ZBTB20: variants seen among roughly 807,000 people sequenced by gnomAD.
The protein encoded by ZBTB20 is zinc finger and BTB domain containing 20, also known as zinc finger and BTB domain-containing protein 20.
ZBTB20 carries 9 observed loss-of-function variants against 56.9 expected under a neutral mutation model. The observed-to-expected ratio is 0.16, with a 90% CI of 0.10 to 0.28. The LOEUF is 0.28. Among genes scored for constraint, ZBTB20 ranks in the 10% least tolerant of loss-of-function variants. The pLI is 1.00. For synonymous variants in ZBTB20, 417 were observed against 420.7 expected, an observed-to-expected ratio of 0.99 and a Z score of 0.11; for missense variants, 655 against 1,003.0, an observed-to-expected ratio of 0.65 and a Z score of 4.69.
intron 6 of ZBTB20, among the ~76,000 whole-genome samples, chr3:114,614,707 T>C (rs2057794856): frequency 6.6e-6 from 1 of 152,010 alleles, no homozygotes; most frequent in African/African-American, 2.4e-5. Context: ...AAAGTTAGAT[T>C]GTAGTGTCCA....
At chr3:114,606,493 G>A (rs1269334225) in intron 6 of ZBTB20, among the ~76,000 whole-genome samples, 1 of 152,080 alleles carries the variant, frequency 6.6e-6, no homozygotes, top group African/African-American at 2.4e-5. Context: ...AACATACAAA[G>A]TCAGCTTGAT....
chr3:114,687,853 G>A (rs1253182049), intron 6 of ZBTB20: 1 of 152,100 alleles, frequency 6.6e-6, no homozygotes, highest in East Asian at 1.9e-4. Context: ...CACTAAACTT[G>A]GATCTCCAAA....
At position 114,481,517 on chromosome 3, in the gene ZBTB20, C is replaced by A. The variant is rs1033329024; in HGVS notation, c.-255+18835G>T. Among the ~76,000 whole-genome samples, 10 of 152,214 alleles carry A rather than the reference C, an allele frequency of 6.6e-5. No individual in the cohort carries two copies. In the South Asian group the frequency reaches 1.7e-3, roughly 25 times the overall value. On this transcript the variant is annotated intron_variant, in intron 7 of 11. Coordinates refer to ENST00000675478, the MANE Select transcript of ZBTB20 (RefSeq NM_001348800.3). ...CCGATTTGCTTGCTAAATCCGTATT[C>A]ATTCCTGAAGATCCAGATCAAATAC...
intron 5 of ZBTB20, among the ~76,000 whole-genome samples, chr3:114,711,475 T>G (rs917870412): frequency 6.6e-6 from 1 of 152,204 alleles, no homozygotes; most frequent in Non-Finnish European, 1.5e-5. Flanking sequence ...CTCTATTCTT[T>G]CCATCTGACT....
At chr3:114,660,306 C>A (rs1001856053) in intron 6 of ZBTB20, among the ~76,000 whole-genome samples, 1 of 152,108 alleles carries the variant, frequency 6.6e-6, no homozygotes, top group Admixed American at 6.6e-5. Context: ...TCAAAGTCTG[C>A]AGTTGTTTTT....
At chr3:114,816,515 G>A (rs926579827) in intron 4 of ZBTB20, among the ~76,000 whole-genome samples, 1 of 152,058 alleles carries the variant, frequency 6.6e-6, no homozygotes, top group African/African-American at 2.4e-5. Context: ...TAAAAATTTA[G>A]GGGAGATAGA....
chr3:114,950,277 T>C (rs1333661631), intron 3 of ZBTB20, among the ~76,000 whole-genome samples: 1 of 152,216 alleles, frequency 6.6e-6, no homozygotes, highest in Admixed American at 6.5e-5. Context: ...TATTTATACC[T>C]ATTTAAGATT....
At position 114,777,945 on chromosome 3, in the gene ZBTB20, G is replaced by A. The variant is rs529348558; in HGVS notation, c.-343+23156C>T. On this transcript the variant is annotated intron_variant, in intron 5 of 11. Coordinates refer to ENST00000675478, the MANE Select transcript of ZBTB20 (RefSeq NM_001348800.3). ...AAATGATGAGTTCATGTCCTTTGTAGGGACATGGATGAAGCTGGAAACCAT... is the reference window on the plus strand; with the variant it reads ...AAATGATGAGTTCATGTCCTTTGTAAGGACATGGATGAAGCTGGAAACCAT... Among the ~76,000 whole-genome samples, 5 of 151,746 alleles carry A rather than the reference G, an allele frequency of 3.3e-5. No homozygotes were observed. In the South Asian group the frequency reaches 8.4e-4, roughly 25 times the overall value.
chr3:114,686,424 C>T (rs1433389198), intron 6 of ZBTB20, among the ~76,000 whole-genome samples: 1 of 152,278 alleles, frequency 6.6e-6, no homozygotes, highest in East Asian at 1.9e-4. Context: ...AGGAAACAAG[C>T]AAATAAAATA....
intron 5 of ZBTB20, among the ~76,000 whole-genome samples, chr3:114,707,443 T>C (rs1437295728): frequency 6.6e-6 from 1 of 152,126 alleles, no homozygotes; most frequent in Non-Finnish European, 1.5e-5. Flanking sequence ...TTCAAGACAA[T>C]AGGAAGGCCC....
intron 5 of ZBTB20, chr3:114,710,182 A>G (rs191120821): frequency 1.6e-4 from 24 of 152,302 alleles, no homozygotes; most frequent in Admixed American, 8.5e-4. Flanking sequence ...TGCAATGTAT[A>G]TCAGGGAATT....
At chr3:114,478,542 G>T (rs891601920) in intron 7 of ZBTB20, among the ~76,000 whole-genome samples, 2 of 152,088 alleles carry the variant, frequency 1.3e-5, no homozygotes, top group African/African-American at 4.8e-5. Context: ...TTTTCCATTG[G>T]TTTGATTATC....
At chr3:114,700,521 G>C (rs1375100244) in intron 5 of ZBTB20, among the ~76,000 whole-genome samples, 7 of 152,044 alleles carry the variant, frequency 4.6e-5, no homozygotes, top group African/African-American at 1.7e-4. Flanking sequence ...GAGAGCAAAG[G>C]CTCATGATCT....
intron 5 of ZBTB20, among the ~76,000 whole-genome samples, chr3:114,739,896 A>G (rs539342280): frequency 6.6e-6 from 1 of 152,268 alleles, no homozygotes; most frequent in East Asian, 1.9e-4. Context: ...TGGGCTCTGT[A>G]TCTATGAGAT....
chr3:115,093,817 C>T (rs956429259), intron 1 of ZBTB20, among the ~76,000 whole-genome samples: 1 of 152,124 alleles, frequency 6.6e-6, no homozygotes, highest in African/African-American at 2.4e-5. Context: ...ACTTTTTCTT[C>T]TATGATCTTC....
rs192888476 is a variant in ZBTB20, at chr3:115,072,231, G to A, written c.-702-817C>T. ...TATATAATTGATTATTTTTTCCTCC[G>A]AGTTGAAGCTCTATATCACCCCAGA... is the stretch of plus-strand genomic sequence containing the variant. On this transcript the variant is annotated intron_variant, in intron 1 of 11. Coordinates refer to ENST00000675478, the MANE Select transcript of ZBTB20 (RefSeq NM_001348800.3). Among the ~76,000 whole-genome samples the A allele has an allele frequency of 2.2e-4, 34 of 152,062 alleles. No individual in the cohort carries two copies. The Middle Eastern group carries it at 0.017, about 76-fold the overall frequency.
In ZBTB20 at chr3:114,945,839, T is replaced by TA. The variant is rs559587579; in HGVS notation, c.-456+28526dup. 8.0e-3 allele frequency among the ~76,000 whole-genome samples: 1,158 copies of TA among 144,696 alleles called. 228 individuals are homozygous for TA. The highest frequency in any genetic ancestry group is 0.031 in the African/African-American group (1,092 of 35,392). The allele number at this position is 144,696 out of a possible 152,430, so 94.9% of individuals were successfully genotyped here. On this transcript the variant is annotated intron_variant, in intron 3 of 11. Coordinates refer to ENST00000675478, the MANE Select transcript of ZBTB20 (RefSeq NM_001348800.3). ...ACAGAAAATGTGAAAGGAAAAGTGC[T>TA]AAAAAAAATTTACCAAACACCAACG...
In ZBTB20 at chr3:114,316,641, A is replaced by T; in HGVS notation, c.*22364T>A. On this transcript the variant is annotated 3_prime_UTR_variant, in exon 12 of 12. Transcript: ENST00000675478. ...CTTAACTTTCCCCTGCTCCCTCTGT[A>T]TATTTTAAACAGTCTGGAGCTTTAA... 1 of 507,268 alleles carries T rather than the reference A, an allele frequency of 2.0e-6. No homozygotes were observed. The highest frequency in any genetic ancestry group is 1.5e-5 in the South Asian group (1 of 67,304). The allele number at this position is 507,268 out of a possible 1,614,324, so 31.4% of individuals were successfully genotyped here.
intron 5 of ZBTB20, among the ~76,000 whole-genome samples, chr3:114,732,725 C>T (rs1391883052): frequency 2.6e-5 from 4 of 152,138 alleles, no homozygotes; most frequent in African/African-American, 9.7e-5. Context: ...ATAGCCACGA[C>T]CTTTACCTAA....
Sources: gnomAD v4.1 joint callset for allele counts (sites outside exome capture counted in the v4.1 genomes callset) on GRCh38, gnomAD v4.1.1 for gene constraint, MANE v1.5 for transcripts, NCBI Gene and HGNC (gene_info 2026-07-23, HGNC 2026-07-21) for gene names.